CUX2: variants seen among roughly 807,000 people sequenced by gnomAD.
CUX2 encodes homeobox protein cut-like 2.
A neutral mutation model predicts 144.8 loss-of-function variants in CUX2; 40 were observed. The ratio of observed to expected loss-of-function variants is 0.28; its 90% CI spans 0.21 to 0.36. CUX2 has a LOEUF of 0.36. CUX2 is among the 10% of genes least tolerant of loss of function. The pLI, the probability that CUX2 is intolerant of heterozygous loss-of-function variation, is 1.00. For synonymous variants in CUX2, 827 were observed against 875.6 expected, an observed-to-expected ratio of 0.94 and a Z score of 0.98; for missense variants, 1,615 against 1,994.0, an observed-to-expected ratio of 0.81 and a Z score of 3.62.
rs777729999 is a variant in CUX2, at chr12:111,295,429, G to A, written c.637+20G>A. 3.1e-6 allele frequency: 5 copies of A among 1,603,026 alleles called. No homozygotes were observed. Among genetic ancestry groups the A allele is most frequent in the Non-Finnish European group, 4.3e-6 (5 of 1,174,892 alleles). ...ATTCAGGTATGTGTCGGCACCATGT[G>A]GCCTAGAGGGAGGACTGGGAGGGGA... On this transcript the variant is annotated intron_variant, in intron 7 of 21. Transcript: ENST00000261726. This position sits in a 1 kb window ranked among gnomAD's most constrained non-coding sequence, Gnocchi z 5.0.
intron 2 of CUX2, among the ~76,000 whole-genome samples, chr12:111,216,664 C>T (rs1488393367): frequency 1.3e-5 from 2 of 152,164 alleles, no homozygotes; most frequent in Admixed American, 1.3e-4. Context: ...TTGAGTTCAC[C>T]ACCTGTGACC....
At chr12:111,069,357 C>T (rs1004185005) in intron 1 of CUX2, among the ~76,000 whole-genome samples, 2 of 152,088 alleles carry the variant, frequency 1.3e-5, no homozygotes, top group Non-Finnish European at 1.5e-5. Context: ...AGTATTTTCT[C>T]CCTCTTCCGT....
chr12:111,217,059 G>A (rs1881575687), intron 2 of CUX2, among the ~76,000 whole-genome samples: 1 of 152,160 alleles, frequency 6.6e-6, no homozygotes, highest in Non-Finnish European at 1.5e-5. Flanking sequence ...GGAGTCTCGG[G>A]ACACATGGTT....
intron 16 of CUX2, among the ~76,000 whole-genome samples, chr12:111,317,770 CA>C (rs1887271134): frequency 6.6e-6 from 1 of 152,062 alleles, no homozygotes; most frequent in South Asian, 2.1e-4. Flanking sequence ...CCAAGGTGGG[CA>C]GATCATTTGA....
intron 14 of CUX2, 69 bp from the exon 15 acceptor site, chr12:111,309,972 C>T: frequency 1.6e-6 from 2 of 1,243,406 alleles, no homozygotes; most frequent in Non-Finnish European, 2.0e-6. Flanking sequence ...TCTTTTTCTC[C>T]CTGTCTCTCT....
intron 1 of CUX2, among the ~76,000 whole-genome samples, chr12:111,124,847 T>C (rs952803479): frequency 1.3e-5 from 2 of 152,226 alleles, no homozygotes; most frequent in African/African-American, 2.4e-5. Context: ...TTGATGTCCA[T>C]GAGTACCTGA....
rs60539275 is a variant in CUX2 at position 111,035,613 on chromosome 12, C to CT, written c.63+1389dup. ...CAGTCTGGAGATAAAAAGGGACCCA[C>CT]TTTTTTTTTTTTTTTTAATCCGCCG... On this transcript the variant is annotated intron_variant, in intron 1 of 21. Transcript: ENST00000261726. The surrounding 1 kb of genome is among the most constrained non-coding windows in gnomAD (Gnocchi z 6.0). Among the ~76,000 whole-genome samples the CT allele has an allele frequency of 0.85, 115,539 of 135,238 alleles. 50,244 individuals are homozygous for CT. The highest frequency in any genetic ancestry group is 0.94 in the Non-Finnish European group (60,441 of 64,518). 88.7% of individuals were successfully genotyped at this position (135,238 alleles called of 152,430 possible).
chr12:111,142,445 G>T (rs1412322684), intron 1 of CUX2, among the ~76,000 whole-genome samples: 1 of 150,644 alleles, frequency 6.6e-6, no homozygotes, highest in Non-Finnish European at 1.5e-5. Context: ...AATGATTCTG[G>T]TAATGGCTTA....
intron 1 of CUX2, among the ~76,000 whole-genome samples, chr12:111,074,739 A>G (rs550087225): frequency 6.6e-6 from 1 of 152,162 alleles, no homozygotes; most frequent in African/African-American, 2.4e-5. Context: ...TGTCATGAGG[A>G]AAACAGGCAG....
intron 3 of CUX2, among the ~76,000 whole-genome samples, chr12:111,259,901 T>C (rs535424094): frequency 1.3e-5 from 2 of 152,042 alleles, no homozygotes; most frequent in South Asian, 4.1e-4. Flanking sequence ...ATGTAATCAA[T>C]ATAAAAATTA....
chr12:111,267,632 C>T (rs543447319), intron 4 of CUX2, among the ~76,000 whole-genome samples: 3 of 152,316 alleles, frequency 2.0e-5, no homozygotes, highest in African/African-American at 7.2e-5. Context: ...CATTCCGTCC[C>T]TGTTCTGAAG....
At chr12:111,040,272 G>A (rs1869673365) in intron 1 of CUX2, among the ~76,000 whole-genome samples, 1 of 151,430 alleles carries the variant, frequency 6.6e-6, no homozygotes, top group Non-Finnish European at 1.5e-5. Context: ...GAGCAACTGA[G>A]CAAGACCCTG....
At chr12:111,044,271 G>T (rs902743214) in intron 1 of CUX2, among the ~76,000 whole-genome samples, 3 of 152,178 alleles carry the variant, frequency 2.0e-5, no homozygotes, top group Admixed American at 2.0e-4. Flanking sequence ...TCGCTGTCAT[G>T]TCTTGGGGGA....
intron 1 of CUX2, among the ~76,000 whole-genome samples, chr12:111,108,616 T>G (rs1295785149): frequency 6.6e-6 from 1 of 152,032 alleles, no homozygotes; most frequent in Non-Finnish European, 1.5e-5. Context: ...CTCTGCCACC[T>G]CCATACCCAC....
At chr12:111,122,617 G>A (rs1397540411) in intron 1 of CUX2, among the ~76,000 whole-genome samples, 1 of 152,218 alleles carries the variant, frequency 6.6e-6, no homozygotes, top group Non-Finnish European at 1.5e-5. Context: ...GTTGAAAGAA[G>A]ATTGTTCTGT....
intron 21 of CUX2, among the ~76,000 whole-genome samples, chr12:111,346,786 G>C (rs1361660918): frequency 1.3e-5 from 2 of 152,182 alleles, no homozygotes; most frequent in African/African-American, 4.8e-5. Context: ...GCCAAGGTGG[G>C]TGGATCACCT....
At chr12:111,094,145 G>C (rs1290097954) in intron 1 of CUX2, among the ~76,000 whole-genome samples, 1 of 152,188 alleles carries the variant, frequency 6.6e-6, no homozygotes, top group Non-Finnish European at 1.5e-5. Context: ...ACATTTTAGA[G>C]GAAGCTTTAT....
At chr12:111,082,242 G>GCTT (rs1871934789) in intron 1 of CUX2, among the ~76,000 whole-genome samples, 1 of 152,292 alleles carries the variant, frequency 6.6e-6, no homozygotes, top group Middle Eastern at 3.4e-3. Context: ...AGCAATTCAG[G>GCTT]CTTCTTCATC....
At chr12:111,085,095 A>G (rs1038322783) in intron 1 of CUX2, among the ~76,000 whole-genome samples, 1 of 152,204 alleles carries the variant, frequency 6.6e-6, no homozygotes, top group African/African-American at 2.4e-5. Flanking sequence ...GGCAAAGAAA[A>G]AAAAATAAAT....
Sources: allele counts gnomAD v4.1 joint callset (sites outside exome capture counted in the v4.1 genomes callset), GRCh38; gene constraint gnomAD v4.1.1; non-coding constraint Gnocchi (gnomAD v3.1); transcripts MANE v1.5; gene names NCBI Gene and HGNC (gene_info 2026-07-23, HGNC 2026-07-21).